TRPS1: variants seen among roughly 807,000 people sequenced by gnomAD.
TRPS1 encodes zinc finger transcription factor Trps1.
In TRPS1, 6 loss-of-function variants were observed where a neutral mutation model predicts 101.2. That is an observed-to-expected ratio of 0.06 (90% CI 0.03 to 0.12). TRPS1 has a LOEUF of 0.12. TRPS1 is among the 10% of genes least tolerant of loss of function. The pLI, the probability that TRPS1 is intolerant of heterozygous loss-of-function variation, is 1.00. For synonymous variants in TRPS1, 578 were observed against 589.8 expected (o/e 0.98, Z 0.29); for missense variants, 1,363 against 1,567.0 (o/e 0.87, Z 2.20).
At chr8:115,416,278 A>G (rs891318353) in intron 6 of TRPS1, among the ~76,000 whole-genome samples, 1 of 151,884 alleles carries the variant, frequency 6.6e-6, no homozygotes, top group African/African-American at 2.4e-5. Flanking sequence ...ATAAGACTAT[A>G]ATAAAAACTT....
At chr8:115,463,103 G>A (rs1042853968) in intron 5 of TRPS1, among the ~76,000 whole-genome samples, 1 of 152,130 alleles carries the variant, frequency 6.6e-6, no homozygotes, top group Non-Finnish European at 1.5e-5. Context: ...AGCTGAAAAA[G>A]TGTTTGAATA....
At chr8:115,558,773 C>G (rs918038377) in intron 5 of TRPS1, among the ~76,000 whole-genome samples, 5 of 152,012 alleles carry the variant, frequency 3.3e-5, no homozygotes, top group African/African-American at 1.2e-4. Flanking sequence ...ATCAAATTAT[C>G]TAGAATCAAA....
At chr8:115,505,507 G>A (rs1392220074) in intron 5 of TRPS1, among the ~76,000 whole-genome samples, 1 of 152,104 alleles carries the variant, frequency 6.6e-6, no homozygotes, top group African/African-American at 2.4e-5. Flanking sequence ...CCTTGATAGT[G>A]TATCTTCTGT....
chr8:115,447,499 T>C (rs1333942390), intron 5 of TRPS1, among the ~76,000 whole-genome samples: 1 of 152,148 alleles, frequency 6.6e-6, no homozygotes, highest in Non-Finnish European at 1.5e-5. Context: ...ATATAAAAGT[T>C]ATAATAGACT....
intron 5 of TRPS1, among the ~76,000 whole-genome samples, chr8:115,515,618 C>G (rs564652345): frequency 1.7e-4 from 26 of 151,406 alleles, no homozygotes; most frequent in African/African-American, 6.3e-4. Context: ...AAGTTATATT[C>G]TAAGTGCTCT....
intron 5 of TRPS1, 42 bp downstream of exon 5, chr8:115,586,959 C>T: frequency 1.2e-6 from 2 of 1,611,986 alleles, no homozygotes; most frequent in Non-Finnish European, 1.7e-6. Flanking sequence ...CTCCTTTTGC[C>T]CTTCAAAACA....
chr8:115,668,458 GCCC>G (rs1312247869), intron 1 of TRPS1, 84 bp downstream of exon 1: 2 of 142,692 alleles, frequency 1.4e-5, no homozygotes, highest in Admixed American at 1.4e-4. Flanking sequence ...GCGTCGCGGC[GCCC>G]CGGGCCCGGC....
rs1303711502 is a variant in TRPS1, at chr8:115,483,058, C to T, written c.2701-64606G>A. On this transcript the variant is annotated intron_variant, in intron 5 of 6. Transcript: ENST00000395715. ...AAGTAGGTCTTGTCCTTTTGAGGAGCAGACATCATACCTTATTTATCCTCA... is the reference window on the plus strand; with the variant it reads ...AAGTAGGTCTTGTCCTTTTGAGGAGTAGACATCATACCTTATTTATCCTCA... 2.6e-5 allele frequency among the ~76,000 whole-genome samples: 4 copies of T among 152,136 alleles called. No homozygotes were observed. The East Asian group carries it at 7.7e-4, about 29-fold the overall frequency.
In TRPS1 at chr8:115,487,641, G is replaced by A. The variant is rs568974541; in HGVS notation, c.2701-69189C>T. Among the ~76,000 whole-genome samples the A allele has an allele frequency of 2.6e-5, 4 of 152,306 alleles. No homozygotes were observed. In the East Asian group the frequency reaches 5.8e-4, roughly 22 times the overall value. ...TCCAATCCTCAAGAATGACTTTGAGGATTTTAAGACTTCACGTGGAGTAAG... is the reference window on the plus strand; with the variant it reads ...TCCAATCCTCAAGAATGACTTTGAGAATTTTAAGACTTCACGTGGAGTAAG... On this transcript the variant is annotated intron_variant, in intron 5 of 6. Transcript: ENST00000395715.
intron 5 of TRPS1, among the ~76,000 whole-genome samples, chr8:115,484,641 AAAT>A (rs1814834211): frequency 6.6e-6 from 1 of 152,172 alleles, no homozygotes; most frequent in Non-Finnish European, 1.5e-5. Flanking sequence ...AGAGCTTCAA[AAAT>A]GACTTTTTTC....
intron 3 of TRPS1, among the ~76,000 whole-genome samples, chr8:115,615,495 C>T (rs1303010605): frequency 3.3e-5 from 5 of 152,174 alleles, no homozygotes; most frequent in East Asian, 1.9e-4. Flanking sequence ...GCTAGCAGGG[C>T]GCGGTGGCTC....
At position 115,414,028 on chromosome 8, in the gene TRPS1, C is replaced by G; in HGVS notation, c.3880G>C (p.Glu1294Gln). ...TTGTGCTAAGTGCTAAGGTTTTACT[C>G]TTTAGGTTTTCCATTTTTTTCCACT... The part of the protein sequence containing the change: ...AQVEKNGKPK[E>Q] Residue 1294 changes from glutamate (E) to glutamine (Q), a missense_variant, in exon 7 of 7, where the codon GAG becomes CAG. Glu to Gln is a conservative substitution (Grantham distance 29). This residue lies in a region of TRPS1 where 307 missense variants were observed against 392.4 expected (regional missense o/e 0.78). Transcript: ENST00000395715. The surrounding 1 kb of genome is among the most constrained non-coding windows in gnomAD (Gnocchi z 4.8). The G allele has an allele frequency of 6.2e-7, 1 of 1,613,534 alleles. No individual in the cohort carries two copies. Among genetic ancestry groups the G allele is most frequent in the Non-Finnish European group, 8.5e-7 (1 of 1,179,714 alleles).
intron 5 of TRPS1, among the ~76,000 whole-genome samples, chr8:115,585,897 G>T (rs1252040519): frequency 6.6e-6 from 1 of 152,166 alleles, no homozygotes; most frequent in Admixed American, 6.5e-5. Flanking sequence ...TCTAAGGGGC[G>T]TTTTTCAACT....
rs554450331 is a variant in TRPS1 at position 115,559,700 on chromosome 8, A to C, written c.2700+27301T>G. ...AGGGCAATACAGAGTTTATAAATGA[A>C]TTAAAATTTGGAATCAAATTTCCAA... is the stretch of plus-strand genomic sequence containing the variant. On this transcript the variant is annotated intron_variant, in intron 5 of 6. Coordinates refer to ENST00000395715, the MANE Select transcript of TRPS1 (RefSeq NM_014112.5). 3.9e-5 allele frequency among the ~76,000 whole-genome samples: 6 copies of C among 152,242 alleles called. No homozygotes were observed. In the South Asian group the frequency reaches 1.2e-3, roughly 32 times the overall value.
At chr8:115,535,254 C>CATATATAGT (rs1816269697) in intron 5 of TRPS1, among the ~76,000 whole-genome samples, 1 of 33,074 alleles carries the variant, frequency 3.0e-5, no homozygotes, top group Non-Finnish European at 5.4e-5. Flanking sequence ...GCATATATAG[C>CATATATAGT]ATATATATAG....
Position 115,498,439 on chromosome 8 carries a change from A to G in TRPS1, c.2701-79987T>C, listed in dbSNP as rs867379915. On this transcript the variant is annotated intron_variant, in intron 5 of 6. Coordinates refer to ENST00000395715, the MANE Select transcript of TRPS1 (RefSeq NM_014112.5). Reference sequence around the variant, plus strand: ...TCTATATATATATATATATATATATATATATATATATAGTTGATTCAGTGG... The same window carrying G: ...TCTATATATATATATATATATATATGTATATATATATAGTTGATTCAGTGG... Among the ~76,000 whole-genome samples the G allele has an allele frequency of 8.4e-3, 1,125 of 134,030 alleles. 37 individuals carry two copies. Among genetic ancestry groups the G allele is most frequent in the African/African-American group, 0.031 (1,066 of 34,426 alleles). 87.9% of individuals were successfully genotyped at this position (134,030 alleles called of 152,430 possible). A position where few individuals can be genotyped will look rare whatever the true frequency, so the allele number is the denominator to read the frequency against.
chr8:115,461,748 T>C (rs1457875094), intron 5 of TRPS1, among the ~76,000 whole-genome samples: 1 of 152,194 alleles, frequency 6.6e-6, no homozygotes, highest in Non-Finnish European at 1.5e-5. Context: ...TCTAAAAACC[T>C]CATCTAGGAG....
At chr8:115,654,800 T>C (rs1194393419) in intron 1 of TRPS1, among the ~76,000 whole-genome samples, 1 of 152,200 alleles carries the variant, frequency 6.6e-6, no homozygotes, top group African/African-American at 2.4e-5. Flanking sequence ...TAACTTTCTG[T>C]GATAGCTTCT....
intron 5 of TRPS1, among the ~76,000 whole-genome samples, chr8:115,451,514 C>A (rs1379897515): frequency 2.0e-5 from 3 of 152,262 alleles, no homozygotes; most frequent in African/African-American, 7.2e-5. Context: ...CAACCCCTTT[C>A]GCCAATAAAC....
Sources: allele counts gnomAD v4.1 joint callset (sites outside exome capture counted in the v4.1 genomes callset), GRCh38; gene constraint gnomAD v4.1.1; regional missense constraint gnomAD v4.1.1; non-coding constraint Gnocchi (gnomAD v3.1); transcripts MANE v1.5; gene names NCBI Gene and HGNC (gene_info 2026-07-23, HGNC 2026-07-21).